The following SERPINB8 variants were observed in gnomAD, a reference collection of about 807,000 sequenced individuals.
SERPINB8 encodes the protein serpin B8.
SERPINB8 carries 25 observed loss-of-function variants against 35.3 expected under a neutral mutation model. The ratio of observed to expected loss-of-function variants is 0.71; its 90% CI spans 0.52 to 0.99. The LOEUF is 0.99. Ranked by LOEUF, SERPINB8 falls within the 50% of genes least tolerant of loss-of-function variation. SERPINB8 has a pLI of 0.00. For synonymous variants in SERPINB8, 186 were observed against 160.8 expected, an observed-to-expected ratio of 1.16 and a Z score of -1.19; for missense variants, 484 against 446.5, an observed-to-expected ratio of 1.08 and a Z score of -0.76.
chr18:63,972,082 A>T (rs2050493219), intron 1 of SERPINB8, among the ~76,000 whole-genome samples: 1 of 152,044 alleles, frequency 6.6e-6, no homozygotes, highest in Non-Finnish European at 1.5e-5. Context: ...GTATTGAATT[A>T]TAAAGAACAG....
chr18:63,990,926 T>C (rs2050822188), downstream of SERPINB8, among the ~76,000 whole-genome samples: 1 of 152,252 alleles, frequency 6.6e-6, no homozygotes, highest in Non-Finnish European at 1.5e-5. Context: ...TAATTTTCCT[T>C]TTTGGCCTAT....
downstream of SERPINB8, among the ~76,000 whole-genome samples, chr18:64,009,429 A>G (rs1051011042): frequency 1.3e-5 from 2 of 152,234 alleles, no homozygotes. Flanking sequence ...TTGCTTTAGC[A>G]GACATTAAAA....
At chr18:64,002,821 G>C (rs1016573220) in intron 1 of SERPINB8, among the ~76,000 whole-genome samples, 2 of 152,142 alleles carry the variant, frequency 1.3e-5, no homozygotes, top group Admixed American at 6.5e-5. Context: ...GTGCCGACTC[G>C]TGCCCCACCG....
At chr18:63,989,778 C>A (rs888079046), downstream of SERPINB8, among the ~76,000 whole-genome samples, 1 of 151,380 alleles carries the variant, frequency 6.6e-6, no homozygotes, top group Non-Finnish European at 1.5e-5. Context: ...CCCGTCTCTA[C>A]TAAAAATACA....
intron 7 of SERPINB8, among the ~76,000 whole-genome samples, chr18:64,016,586 G>A (rs10513929): frequency 0.59 from 90,113 of 152,044 alleles, 27,021 homozygotes; most frequent in East Asian, 0.69. Flanking sequence ...TATTTGAATA[G>A]GGAGACAGTT....
At chr18:63,991,060 T>C (rs1308105059), downstream of SERPINB8, among the ~76,000 whole-genome samples, 3 of 152,254 alleles carry the variant, frequency 2.0e-5, no homozygotes, top group Non-Finnish European at 4.4e-5. Flanking sequence ...TGGATTCTAT[T>C]GGATTCCATT....
chr18:63,994,040 T>C (rs1308231500), downstream of SERPINB8, among the ~76,000 whole-genome samples: 1 of 152,054 alleles, frequency 6.6e-6, no homozygotes, highest in Non-Finnish European at 1.5e-5. Flanking sequence ...CCACTTCTAG[T>C]CCATCCTTCC....
At chr18:63,989,959 A>C (rs1284018098), downstream of SERPINB8, among the ~76,000 whole-genome samples, 4 of 149,336 alleles carry the variant, frequency 2.7e-5, no homozygotes, top group African/African-American at 7.3e-5. Context: ...AAAAAAAAAA[A>C]AAAAAAAAAA....
rs760627593 is a variant in SERPINB8, at chr18:63,987,033, G to A, written c.880G>A (p.Glu294Lys). The change falls in exon 7 of 7, where the codon GAA becomes AAA. Residue 294 changes from glutamate to lysine, a missense_variant. Transcript: ENST00000397985. The part of the protein sequence containing the change: ...RRLGMIDAFD[E>K]AKADFSGMST... ...ATTAGGAATGATCGATGCTTTTGAC[G>A]AAGCCAAGGCAGACTTTTCTGGAAT... 95 of 1,614,042 alleles carry A rather than the reference G, an allele frequency of 5.9e-5. No homozygotes were observed. The highest frequency in any genetic ancestry group is 7.3e-5 in the Non-Finnish European group (86 of 1,180,048).
chr18:63,978,196 C>T (rs943487371), intron 1 of SERPINB8, 103 bp from the exon 2 acceptor site: 3 of 1,241,486 alleles, frequency 2.4e-6, no homozygotes, highest in Non-Finnish European at 3.5e-6. Context: ...GAGGGTGGTT[C>T]TTCCACCTAC....
intron 1 of SERPINB8, among the ~76,000 whole-genome samples, chr18:64,000,043 C>T (rs1274738581): frequency 6.6e-6 from 1 of 152,150 alleles, no homozygotes; most frequent in Non-Finnish European, 1.5e-5. Context: ...TGAGCAGCTG[C>T]ATAGCCCTGG....
intron 1 of SERPINB8, among the ~76,000 whole-genome samples, chr18:64,000,869 GCTCT>G (rs1329798962): frequency 6.6e-6 from 1 of 152,166 alleles, no homozygotes; most frequent in African/African-American, 2.4e-5. Context: ...ACACCTGGCA[GCTCT>G]CTCTAACAAT....
At chr18:63,979,763 T>C in intron 2 of SERPINB8, 38 bp from the exon 3 acceptor site, 1 of 1,612,774 alleles carries the variant, frequency 6.2e-7, no homozygotes. Flanking sequence ...GAGAGTATAA[T>C]GGCAGCGTTA....
At chr18:63,999,327 C>T (rs753308271) in intron 1 of SERPINB8, among the ~76,000 whole-genome samples, 1 of 152,194 alleles carries the variant, frequency 6.6e-6, no homozygotes, top group Non-Finnish European at 1.5e-5. Context: ...AACTATGGAG[C>T]TTTCTGGCAT....
chr18:63,971,076 C>T (rs1276867747), intron 1 of SERPINB8, among the ~76,000 whole-genome samples: 2 of 152,168 alleles, frequency 1.3e-5, no homozygotes, highest in Admixed American at 6.5e-5. Context: ...AGACCGCGCC[C>T]TCTTCCCTGG....
chr18:63,978,876 G>T (rs1042072882), intron 2 of SERPINB8, among the ~76,000 whole-genome samples: 2 of 120,278 alleles, frequency 1.7e-5, no homozygotes, highest in African/African-American at 1.0e-4. Flanking sequence ...TGTTAAGTGG[G>T]TTATTTTAGT....
intron 7 of SERPINB8, among the ~76,000 whole-genome samples, chr18:64,012,821 T>C (rs1345078163): frequency 6.6e-6 from 1 of 152,172 alleles, no homozygotes; most frequent in Non-Finnish European, 1.5e-5. Context: ...TAATCTCTAC[T>C]GCTGAATACA....
chr18:63,997,196 G>T (rs1378685695), intron 1 of SERPINB8, among the ~76,000 whole-genome samples: 9 of 152,238 alleles, frequency 5.9e-5, no homozygotes, highest in African/African-American at 2.2e-4. Context: ...TTATTGTCCT[G>T]TTATTGGGCC....
intron 1 of SERPINB8, among the ~76,000 whole-genome samples, chr18:64,003,519 ATGTGTG>A (rs61161137): frequency 0.012 from 1,848 of 148,134 alleles, 28 homozygotes; most frequent in East Asian, 0.031. Flanking sequence ...TGAGGGACAA[ATGTGTG>A]TGTGTGTGTG....
Sources: gnomAD v4.1 joint callset for allele counts (sites outside exome capture counted in the v4.1 genomes callset) on GRCh38, gnomAD v4.1.1 for gene constraint, MANE v1.5 for transcripts, NCBI Gene and HGNC (gene_info 2026-07-23, HGNC 2026-07-21) for gene names.